The following GDAP1 variants were observed in gnomAD, a reference collection of about 807,000 sequenced individuals.
GDAP1 encodes ganglioside induced differentiation associated protein 1.
Under a neutral mutation model 40.1 loss-of-function variants are expected in GDAP1, and 34 were observed. That is an observed-to-expected ratio of 0.85 (90% CI 0.64 to 1.13). GDAP1 has a LOEUF of 1.13. Ranked by LOEUF, GDAP1 falls within the 50% of genes most tolerant of loss-of-function variation. The pLI is 0.00. For synonymous variants in GDAP1, 170 were observed against 157.4 expected (o/e 1.08, Z -0.60); for missense variants, 374 against 433.7 (o/e 0.86, Z 1.22).
At chr8:74,418,747 A>T (rs1196415324) in intron 2 of GDAP1, among the ~76,000 whole-genome samples, 1 of 152,162 alleles carries the variant, frequency 6.6e-6, no homozygotes, top group Non-Finnish European at 1.5e-5. Flanking sequence ...GAAAAGACAA[A>T]ATACAGACTG....
chr8:74,382,894 C>A (rs1300526329), intron 2 of GDAP1, among the ~76,000 whole-genome samples: 1 of 152,072 alleles, frequency 6.6e-6, no homozygotes, highest in African/African-American at 2.4e-5. Flanking sequence ...CCTTTCCTGT[C>A]AGGAGTTCTA....
Position 74,437,924 on chromosome 8 carries a change from A to T in GDAP1, c.166-50754A>T, listed in dbSNP as rs368713048. ...ACAGTGCTGCAATAAACATTCTTGCACATGTGCACTTGTCCACATGTATGA... is the reference window on the plus strand; with the variant it reads ...ACAGTGCTGCAATAAACATTCTTGCTCATGTGCACTTGTCCACATGTATGA... On this transcript the variant is annotated intron_variant, in intron 2 of 2. Transcript: ENST00000523640. Among the ~76,000 whole-genome samples, 25 of 152,316 alleles carry T rather than the reference A, an allele frequency of 1.6e-4. No individual in the cohort carries two copies. The South Asian group carries it at 5.0e-3, about 30-fold the overall frequency.
chr8:74,373,416 G>A (rs894440136), intron 2 of GDAP1, among the ~76,000 whole-genome samples: 5 of 152,074 alleles, frequency 3.3e-5, no homozygotes, highest in African/African-American at 9.7e-5. Flanking sequence ...ATTTGTTTGT[G>A]TCCTCTTTTA....
chr8:74,458,087 C>T (rs981987371), intron 2 of GDAP1, among the ~76,000 whole-genome samples: 1 of 151,976 alleles, frequency 6.6e-6, no homozygotes, highest in African/African-American at 2.4e-5. Flanking sequence ...GTCATCCCTA[C>T]AGTTTTGAGG....
At chr8:74,436,029 C>T (rs1159363186) in intron 2 of GDAP1, among the ~76,000 whole-genome samples, 1 of 152,190 alleles carries the variant, frequency 6.6e-6, no homozygotes, top group East Asian at 1.9e-4. Flanking sequence ...GGTGAAAACA[C>T]TTTAAGCTGT....
intron 2 of GDAP1, among the ~76,000 whole-genome samples, chr8:74,467,052 A>G (rs1314534621): frequency 6.6e-6 from 1 of 152,204 alleles, no homozygotes; most frequent in African/African-American, 2.4e-5. Context: ...AGAGTAGAGG[A>G]TATGGGGATT....
At chr8:74,407,368 TGA>T (rs1805654038) in intron 2 of GDAP1, among the ~76,000 whole-genome samples, 4 of 149,970 alleles carry the variant, frequency 2.7e-5, no homozygotes, top group African/African-American at 2.5e-5. Flanking sequence ...GTCCGTTTAC[TGA>T]GAGAGACAGG....
intron 2 of GDAP1, among the ~76,000 whole-genome samples, chr8:74,445,742 A>T (rs77106451): frequency 8.3e-4 from 126 of 152,230 alleles, no homozygotes; most frequent in Middle Eastern, 3.4e-3. Flanking sequence ...TGATTGAAAA[A>T]AGTTGTCCTA....
At chr8:74,401,422 C>T (rs967358617) in intron 2 of GDAP1, among the ~76,000 whole-genome samples, 2 of 149,866 alleles carry the variant, frequency 1.3e-5, no homozygotes, top group African/African-American at 5.1e-5. Context: ...TTAAGCACTT[C>T]TCTGTATTGG....
At chr8:74,463,967 C>G (rs1428894839) in intron 2 of GDAP1, among the ~76,000 whole-genome samples, 1 of 151,698 alleles carries the variant, frequency 6.6e-6, no homozygotes, top group Non-Finnish European at 1.5e-5. Context: ...ACGTATGTAC[C>G]TGCTATATCA....
chr8:74,475,079 ATAT>A lies in GDAP1; in HGVS notation c.166-13597_166-13595del, dbSNP rs200845890. ...GTTTGTGTGCATAGAGGTGTTCATAATATTCTCTAATAGTTATTTGTATATCTG... is the reference window on the plus strand; with the variant it reads ...GTTTGTGTGCATAGAGGTGTTCATAATCTCTAATAGTTATTTGTATATCTG... On this transcript the variant is annotated intron_variant, in intron 2 of 2. Transcript: ENST00000523640. Among the ~76,000 whole-genome samples, 399 of 152,212 alleles carry A rather than the reference ATAT, an allele frequency of 2.6e-3. 2 individuals carry two copies. Among genetic ancestry groups the A allele is most frequent in the African/African-American group, 9.3e-3 (387 of 41,566 alleles).
chr8:74,469,222 T>A (rs1806512192), intron 2 of GDAP1, among the ~76,000 whole-genome samples: 1 of 151,886 alleles, frequency 6.6e-6, no homozygotes. Flanking sequence ...TGGTCTGTAG[T>A]TTTTTTTCCT....
intron 2 of GDAP1, among the ~76,000 whole-genome samples, chr8:74,414,905 C>T (rs888242551): frequency 6.7e-6 from 1 of 149,874 alleles, no homozygotes; most frequent in Admixed American, 6.6e-5. Context: ...TGCTTGAAAA[C>T]TAAAGACGAA....
chr8:74,460,886 C>T (rs1806392855), intron 2 of GDAP1, among the ~76,000 whole-genome samples: 1 of 152,120 alleles, frequency 6.6e-6, no homozygotes, highest in African/African-American at 2.4e-5. Context: ...ATTAGAATAG[C>T]AGTGTTAAAA....
chr8:74,420,923 T>C (rs1472225133), intron 2 of GDAP1, among the ~76,000 whole-genome samples: 2 of 152,004 alleles, frequency 1.3e-5, no homozygotes, highest in Admixed American at 6.6e-5. Context: ...GGAGCCTGAG[T>C]CTTTTTTATT....
At chr8:74,474,119 T>C (rs572131344) in intron 2 of GDAP1, among the ~76,000 whole-genome samples, 1 of 152,328 alleles carries the variant, frequency 6.6e-6, no homozygotes, top group East Asian at 1.9e-4. Context: ...CTAGGAATGC[T>C]AGTGATTTTT....
intron 2 of GDAP1, among the ~76,000 whole-genome samples, chr8:74,449,211 T>C (rs1806268021): frequency 6.6e-6 from 1 of 152,000 alleles, no homozygotes; most frequent in South Asian, 2.1e-4. Context: ...TATTTGCTTA[T>C]ATTTATGATC....
intron 2 of GDAP1, among the ~76,000 whole-genome samples, chr8:74,465,632 A>G (rs1806459683): frequency 6.6e-6 from 1 of 152,330 alleles, no homozygotes; most frequent in Non-Finnish European, 1.5e-5. Flanking sequence ...AATTGCTCTT[A>G]GCATAGCATT....
At chr8:74,397,050 A>G (rs1198933351) in intron 2 of GDAP1, among the ~76,000 whole-genome samples, 3 of 152,228 alleles carry the variant, frequency 2.0e-5, no homozygotes, top group South Asian at 4.1e-4. Context: ...TTGCCATTCT[A>G]ACTGGTGTGA....
Sources: allele counts gnomAD v4.1 joint callset (sites outside exome capture counted in the v4.1 genomes callset), GRCh38; gene constraint gnomAD v4.1.1; transcripts MANE v1.5; gene names NCBI Gene and HGNC (gene_info 2026-07-23, HGNC 2026-07-21).